Variants in CRKL observed in about 807,000 individuals in gnomAD.
CRKL encodes crk-like protein.
In CRKL, 3 loss-of-function variants were observed where a neutral mutation model predicts 23.0. That is an observed-to-expected ratio of 0.13 (90% CI 0.06 to 0.34). The LOEUF is 0.34. CRKL is among the 10% of genes least tolerant of loss of function. The pLI is 1.00. For missense variants in CRKL, 256 were observed against 394.5 expected, an observed-to-expected ratio of 0.65 and a Z score of 2.97; for synonymous variants, 188 against 160.7, an observed-to-expected ratio of 1.17 and a Z score of -1.28.
chr22:20,944,935 T>A (rs1431872578), intron 2 of CRKL, among the ~76,000 whole-genome samples: 1 of 60,168 alleles, frequency 1.7e-5, no homozygotes, highest in African/African-American at 4.3e-5. Context: ...CAGCATGATC[T>A]TGGCGCCTCC....
intron 1 of CRKL, among the ~76,000 whole-genome samples, chr22:20,931,558 T>G (rs5761386): frequency 0.76 from 115,428 of 152,076 alleles, 44,335 homozygotes; most frequent in South Asian, 0.91. Context: ...AGATGCAGGG[T>G]TCGTCCCTAA....
intron 2 of CRKL, 110 bp downstream of exon 2, chr22:20,934,354 G>T: frequency 1.0e-6 from 1 of 970,740 alleles, no homozygotes; most frequent in Non-Finnish European, 1.5e-6. Context: ...TTAGAGCACT[G>T]GATGATTTTG....
chr22:20,920,391 A>T (rs932629902), intron 1 of CRKL, among the ~76,000 whole-genome samples: 7 of 151,676 alleles, frequency 4.6e-5, no homozygotes, highest in Non-Finnish European at 1.0e-4. Flanking sequence ...AATCCCAGCT[A>T]CTCGGGAGGC....
chr22:20,924,801 C>G lies in CRKL; in HGVS notation c.311+6556C>G, dbSNP rs1413943537. Among the ~76,000 whole-genome samples, 3 of 152,166 alleles carry G rather than the reference C, an allele frequency of 2.0e-5. No individual in the cohort carries two copies. The South Asian group carries it at 6.2e-4, about 31-fold the overall frequency. Reference sequence around the variant, plus strand: ...GTTAAAGTGAGTCGAGGTCGTGCAGCTGGACTCCATCCTGGGCGACAGAGT... The same window carrying G: ...GTTAAAGTGAGTCGAGGTCGTGCAGGTGGACTCCATCCTGGGCGACAGAGT... On this transcript the variant is annotated intron_variant, in intron 1 of 2. Coordinates refer to ENST00000354336, the MANE Select transcript of CRKL (RefSeq NM_005207.4).
At chr22:20,920,522 A>G (rs1920980653) in intron 1 of CRKL, among the ~76,000 whole-genome samples, 1 of 151,938 alleles carries the variant, frequency 6.6e-6, no homozygotes, top group African/African-American at 2.4e-5. Context: ...GAAAAAGTTA[A>G]TGACTTGAGT....
At chr22:20,949,062 A>G (rs974121364) in intron 2 of CRKL, among the ~76,000 whole-genome samples, 3 of 152,124 alleles carry the variant, frequency 2.0e-5, no homozygotes, top group Non-Finnish European at 2.9e-5. Flanking sequence ...TGGCCAAAAT[A>G]GAAGGTTGGT....
rs1232919604 is a variant in CRKL at position 20,950,185 on chromosome 22, A to G, written c.*340A>G. 2 of 282,772 alleles carry G rather than the reference A, an allele frequency of 7.1e-6. No homozygotes were observed. Among genetic ancestry groups the G allele is most frequent in the Admixed American group, 1.1e-4 (2 of 18,610 alleles). The allele number at this position is 282,772 out of a possible 1,614,324, so 17.5% of individuals were successfully genotyped here. On this transcript the variant is annotated 3_prime_UTR_variant, in exon 3 of 3. Transcript: ENST00000354336. ...TGGGACTGATTCTGTTGTGTTCACC[A>G]GAGAAAGCTTGAGGCCATGGCGAGA...
At chr22:20,941,990 A>G (rs1220287271) in intron 2 of CRKL, among the ~76,000 whole-genome samples, 1 of 152,116 alleles carries the variant, frequency 6.6e-6, no homozygotes, top group East Asian at 1.9e-4. Flanking sequence ...GTTTTCTGTG[A>G]TAGCTGTTCT....
intron 2 of CRKL, among the ~76,000 whole-genome samples, chr22:20,944,179 G>A (rs1313464501): frequency 1.4e-5 from 2 of 139,102 alleles, no homozygotes; most frequent in African/African-American, 5.4e-5. Context: ...TTATGAGGCA[G>A]GGTCTCACTA....
chr22:20,932,439 G>T (rs186557953), intron 1 of CRKL, among the ~76,000 whole-genome samples: 9 of 151,950 alleles, frequency 5.9e-5, no homozygotes, highest in Non-Finnish European at 1.5e-5. Context: ...GCCCTTTTTT[G>T]TTCCTTTTTT....
rs993387735 is a variant in CRKL at position 20,949,846 on chromosome 22, T to C, written c.*1T>C. 2.5e-6 allele frequency: 4 copies of C among 1,607,350 alleles called. No individual in the cohort carries two copies. The highest frequency in any genetic ancestry group is 2.2e-5 in the East Asian group (1 of 44,616). Reference sequence around the variant, plus strand: ...TCAAAACCCAGATGAAAACGAGTGATTGCTGTTGCCCTGTTTCCTGCTGCT... The same window carrying C: ...TCAAAACCCAGATGAAAACGAGTGACTGCTGTTGCCCTGTTTCCTGCTGCT... On this transcript the variant is annotated 3_prime_UTR_variant, in exon 3 of 3. Transcript: ENST00000354336.
chr22:20,946,317 G>A (rs560600261), intron 2 of CRKL, among the ~76,000 whole-genome samples: 5 of 152,262 alleles, frequency 3.3e-5, no homozygotes, highest in Non-Finnish European at 5.9e-5. Context: ...TAGGGCTGTA[G>A]GAAACTATTG....
intron 2 of CRKL, among the ~76,000 whole-genome samples, chr22:20,942,349 C>T (rs893275005): frequency 1.3e-5 from 2 of 152,180 alleles, no homozygotes; most frequent in Non-Finnish European, 2.9e-5. Context: ...GAGTTTGAGA[C>T]CAGCCTGGGC....
chr22:20,920,631 C>A (rs1920982095), intron 1 of CRKL, among the ~76,000 whole-genome samples: 1 of 152,172 alleles, frequency 6.6e-6, no homozygotes, highest in South Asian at 2.1e-4. Flanking sequence ...AGAGAACAAG[C>A]ATGTAATTCT....
intron 2 of CRKL, among the ~76,000 whole-genome samples, chr22:20,946,413 GT>G (rs774510665): frequency 6.6e-6 from 1 of 152,264 alleles, no homozygotes; most frequent in Non-Finnish European, 1.5e-5. Context: ...GTGTTTTAGA[GT>G]TAATGTGTCC....
At position 20,919,758 on chromosome 22, in the gene CRKL, C is replaced by A. The variant is rs188814969; in HGVS notation, c.311+1513C>A. Among the ~76,000 whole-genome samples the A allele has an allele frequency of 3.2e-3, 487 of 151,842 alleles. 4 individuals carry two copies. Among genetic ancestry groups the A allele is most frequent in the African/African-American group, 0.011 (465 of 41,434 alleles). On this transcript the variant is annotated intron_variant, in intron 1 of 2. Transcript: ENST00000354336. ...GATGTTTATGACTTTATGGATTTGTCGACCGGGTATTACTCTAAACTTTAA... is the reference window on the plus strand; with the variant it reads ...GATGTTTATGACTTTATGGATTTGTAGACCGGGTATTACTCTAAACTTTAA...
At chr22:20,928,589 G>C (rs2147900124) in intron 1 of CRKL, among the ~76,000 whole-genome samples, 1 of 152,258 alleles carries the variant, frequency 6.6e-6, no homozygotes, top group South Asian at 2.1e-4. Context: ...GAGGTGGGAA[G>C]ATTGCTTGAG....
intron 1 of CRKL, among the ~76,000 whole-genome samples, chr22:20,921,683 G>A (rs1920997683): frequency 6.6e-6 from 1 of 151,714 alleles, no homozygotes; most frequent in Admixed American, 6.6e-5. Context: ...AGTCCATTGT[G>A]TTGGGAGTGT....
intron 2 of CRKL, among the ~76,000 whole-genome samples, chr22:20,939,535 C>G (rs182228434): frequency 6.6e-6 from 1 of 152,028 alleles, no homozygotes; most frequent in African/African-American, 2.4e-5. Context: ...CGTGAGCCAC[C>G]GCGCCTGGCC....
Sources: allele counts gnomAD v4.1 joint callset (sites outside exome capture counted in the v4.1 genomes callset), GRCh38; gene constraint gnomAD v4.1.1; transcripts MANE v1.5; gene names NCBI Gene and HGNC (gene_info 2026-07-23, HGNC 2026-07-21).